The following LRMDA variants were observed in gnomAD, a reference collection of about 807,000 sequenced individuals.
LRMDA encodes the protein leucine-rich melanocyte differentiation-associated protein.
In LRMDA, 18 loss-of-function variants were observed where a neutral mutation model predicts 29.8. That is an observed-to-expected ratio of 0.60 (90% confidence interval 0.42 to 0.90). The LOEUF (loss-of-function observed/expected upper bound fraction) is 0.90. Among genes scored for constraint, LRMDA ranks in the 40% least tolerant of loss-of-function variants. LRMDA has a pLI of 0.00. For synonymous variants in LRMDA, 125 were observed against 109.4 expected, an observed-to-expected ratio of 1.14 and a Z score of -0.89; for missense variants, 273 against 273.9, an observed-to-expected ratio of 1.00 and a Z score of 0.02.
At chr10:75,752,573 A>C (rs530034102) in intron 2 of LRMDA, among the ~76,000 whole-genome samples, 1 of 152,178 alleles carries the variant, frequency 6.6e-6, no homozygotes, top group East Asian at 1.9e-4. Context: ...CACGTGGTAT[A>C]CTTTGGTATG....
At chr10:76,269,046 T>C (rs948982752) in intron 5 of LRMDA, among the ~76,000 whole-genome samples, 1 of 152,146 alleles carries the variant, frequency 6.6e-6, no homozygotes, top group Admixed American at 6.5e-5. Context: ...CGAATATTTA[T>C]ATATCTATTT....
intron 6 of LRMDA, among the ~76,000 whole-genome samples, chr10:76,459,441 G>A (rs1267676134): frequency 4.6e-5 from 7 of 152,296 alleles, no homozygotes; most frequent in African/African-American, 1.2e-4. Flanking sequence ...CAAAATAGAC[G>A]CACAGAATGT....
intron 5 of LRMDA, among the ~76,000 whole-genome samples, chr10:76,127,799 G>A (rs1849911885): frequency 6.6e-6 from 1 of 152,124 alleles, no homozygotes; most frequent in South Asian, 2.1e-4. Flanking sequence ...GAGCTACATA[G>A]TAAGAATGGT....
intron 2 of LRMDA, among the ~76,000 whole-genome samples, chr10:75,675,845 G>A (rs1841953917): frequency 6.6e-6 from 1 of 152,080 alleles, no homozygotes; most frequent in African/African-American, 2.4e-5. Context: ...AGAGCCTTTT[G>A]AAATCTGATC....
chr10:76,196,510 GAT>G (rs1165806653), intron 5 of LRMDA, among the ~76,000 whole-genome samples: 2 of 152,176 alleles, frequency 1.3e-5, no homozygotes, highest in East Asian at 3.9e-4. Flanking sequence ...CTTCTGCAGT[GAT>G]CTCTCCCTGT....
chr10:75,629,233 GTCATCATCT>G (rs1841293500), intron 2 of LRMDA, among the ~76,000 whole-genome samples: 1 of 152,226 alleles, frequency 6.6e-6, no homozygotes, highest in Admixed American at 6.5e-5. Context: ...AGGCCCTGCA[GTCATCATCT>G]TCATCTAGTT....
intron 6 of LRMDA, among the ~76,000 whole-genome samples, chr10:76,512,149 C>T (rs1241706314): frequency 6.6e-6 from 1 of 152,162 alleles, no homozygotes; most frequent in African/African-American, 2.4e-5. Context: ...TTTGCATCTT[C>T]CTCATTTTCT....
chr10:75,493,348 GGTGTGTGT>G (rs3220724), intron 2 of LRMDA, among the ~76,000 whole-genome samples: 21 of 133,352 alleles, frequency 1.6e-4, no homozygotes, highest in East Asian at 4.4e-4. Context: ...GTTGAGATTG[GGTGTGTGT>G]GTGTGTGTGT....
At chr10:75,573,741 T>G (rs1054568527) in intron 2 of LRMDA, among the ~76,000 whole-genome samples, 1 of 152,242 alleles carries the variant, frequency 6.6e-6, no homozygotes, top group Admixed American at 6.5e-5. Context: ...TAGCTGACTC[T>G]TTTCATAGTG....
intron 5 of LRMDA, among the ~76,000 whole-genome samples, chr10:76,116,502 T>C (rs1162398438): frequency 6.6e-6 from 1 of 152,174 alleles, no homozygotes; most frequent in Non-Finnish European, 1.5e-5. Context: ...AAACCCTTGA[T>C]GAGTCTGTTG....
At chr10:75,981,867 A>T (rs1007806032) in intron 2 of LRMDA, among the ~76,000 whole-genome samples, 1 of 148,890 alleles carries the variant, frequency 6.7e-6, no homozygotes, top group Non-Finnish European at 1.5e-5. Context: ...AAAAAAAAAA[A>T]AGTGAGTGAG....
At position 76,558,164 on chromosome 10, in the gene LRMDA, G is replaced by C. The variant is rs1013379327; in HGVS notation, c.*876G>C. Reference sequence around the variant, plus strand: ...TTATTTTTAACCGTACACACTTCCAGTGATGCCTGTGGCCATACTTGTGCG... The same window carrying C: ...TTATTTTTAACCGTACACACTTCCACTGATGCCTGTGGCCATACTTGTGCG... On this transcript the variant is annotated 3_prime_UTR_variant, in exon 7 of 7. Coordinates refer to ENST00000611255, the MANE Select transcript of LRMDA (RefSeq NM_001305581.2). 4.6e-5 allele frequency: 7 copies of C among 152,220 alleles called. No individual in the cohort carries two copies. In the East Asian group the frequency reaches 1.4e-3, roughly 29 times the overall value. 9.4% of individuals were successfully genotyped at this position (152,220 alleles called of 1,614,324 possible).
chr10:76,135,739 T>C (rs1850082223), intron 5 of LRMDA, among the ~76,000 whole-genome samples: 2 of 151,980 alleles, frequency 1.3e-5, no homozygotes, highest in Non-Finnish European at 2.9e-5. Flanking sequence ...CTTCCCTCTA[T>C]GGATGTCTGT....
chr10:75,606,236 A>G (rs1564520859), intron 2 of LRMDA, among the ~76,000 whole-genome samples: 1 of 142,254 alleles, frequency 7.0e-6, no homozygotes, highest in Admixed American at 6.6e-5. Context: ...AACTGAGGCC[A>G]GTCTTAACAT....
intron 3 of LRMDA, among the ~76,000 whole-genome samples, chr10:76,039,345 T>C (rs1848304685): frequency 6.6e-6 from 1 of 152,232 alleles, no homozygotes; most frequent in African/African-American, 2.4e-5. Context: ...AAGTATTAGC[T>C]CTTTTGTGTA....
chr10:75,544,939 A>G lies in LRMDA; in HGVS notation c.131+106445A>G, dbSNP rs78549093. 2.2e-3 allele frequency among the ~76,000 whole-genome samples: 331 copies of G among 152,158 alleles called. 2 individuals are homozygous for G. Among genetic ancestry groups the G allele is most frequent in the Middle Eastern group, 0.014 (4 of 294 alleles). On this transcript the variant is annotated intron_variant, in intron 2 of 6. Coordinates refer to ENST00000611255, the MANE Select transcript of LRMDA (RefSeq NM_001305581.2). ...GAATCTCATTTAATTATTTGATTAC[A>G]TTTCTGTTTTTACTATTTGTGTAGG...
intron 2 of LRMDA, among the ~76,000 whole-genome samples, chr10:75,985,826 A>T (rs1282573067): frequency 6.6e-6 from 1 of 152,198 alleles, no homozygotes; most frequent in East Asian, 1.9e-4. Context: ...CCAAAGGAAG[A>T]TGCGATGAAG....
At chr10:75,645,230 G>A (rs914609724) in intron 2 of LRMDA, among the ~76,000 whole-genome samples, 8 of 152,202 alleles carry the variant, frequency 5.3e-5, no homozygotes, top group Non-Finnish European at 7.3e-5. Context: ...TGATGTACCC[G>A]CCTCAGTCTC....
At chr10:75,558,132 A>AT (rs1352463748) in intron 2 of LRMDA, among the ~76,000 whole-genome samples, 4 of 151,372 alleles carry the variant, frequency 2.6e-5, no homozygotes, top group African/African-American at 9.7e-5. Context: ...AAAAAAGTAA[A>AT]TTAGGTGATT....
Sources: gnomAD v4.1 joint callset for allele counts (sites outside exome capture counted in the v4.1 genomes callset) on GRCh38, gnomAD v4.1.1 for gene constraint, MANE v1.5 for transcripts, NCBI Gene and HGNC (gene_info 2026-07-23, HGNC 2026-07-21) for gene names.